ARMH4: variants seen among roughly 807,000 people sequenced by gnomAD.
The protein encoded by ARMH4 is armadillo like helical domain containing 4, also known as armadillo-like helical domain-containing protein 4.
In ARMH4, 49 loss-of-function variants were observed where a neutral mutation model predicts 61.9. The observed-to-expected ratio is 0.79, with a 90% confidence interval of 0.63 to 1.00. The LOEUF is 1.00. Ranked by LOEUF, ARMH4 falls within the 50% of genes least tolerant of loss-of-function variation. ARMH4 has a pLI of 0.00. For missense variants in ARMH4, 934 were observed against 930.0 expected (o/e 1.00, Z -0.06); for synonymous variants, 368 against 341.5 (o/e 1.08, Z -0.85).
chr14:58,085,831 T>A (rs2141248824), intron 5 of ARMH4, among the ~76,000 whole-genome samples: 1 of 152,278 alleles, frequency 6.6e-6, no homozygotes, highest in Non-Finnish European at 1.5e-5. Flanking sequence ...TAGTGAAACT[T>A]TGGTACCATT....
At chr14:58,041,853 C>G (rs544304687) in intron 5 of ARMH4, among the ~76,000 whole-genome samples, 3 of 152,112 alleles carry the variant, frequency 2.0e-5, no homozygotes, top group African/African-American at 7.2e-5. Context: ...CAAAGAAGGC[C>G]ATTACATAAT....
In ARMH4 at chr14:58,017,702, CA is replaced by C. The variant is rs555568508; in HGVS notation, c.2090-5553del. 6.6e-5 allele frequency among the ~76,000 whole-genome samples: 10 copies of C among 152,222 alleles called. No homozygotes were observed. The East Asian group carries it at 1.9e-3, about 29-fold the overall frequency. On this transcript the variant is annotated intron_variant, in intron 5 of 7. Coordinates refer to ENST00000267485, the MANE Select transcript of ARMH4 (RefSeq NM_001001872.4). Reference sequence around the variant, plus strand: ...AATATTATTTAAATGTCCATATAATCAAAAACCATCTACATATTCAATGCAA... The same window carrying C: ...AATATTATTTAAATGTCCATATAATCAAAACCATCTACATATTCAATGCAA...
chr14:58,068,831 A>G (rs1884788293), intron 5 of ARMH4, among the ~76,000 whole-genome samples: 1 of 152,028 alleles, frequency 6.6e-6, no homozygotes, highest in Non-Finnish European at 1.5e-5. Flanking sequence ...ACATGGTGAA[A>G]CCCCATCTCT....
rs750555182 is a variant in ARMH4, at chr14:58,005,085, C to T, written c.2219G>A (p.Arg740His). 12 of 1,613,870 alleles carry T rather than the reference C, an allele frequency of 7.4e-6. No homozygotes were observed. Among genetic ancestry groups the T allele is most frequent in the African/African-American group, 6.7e-5 (5 of 74,880 alleles). ...GALYSIKVMN[R>H]RRRNGFKRHK... ...CCTTTTGAAGCCATTTCTCCTTCGG[C>T]GATTCATAACCTTAATGCTGTAGAG... The change falls in exon 7 of 8, where the codon CGC (arginine) becomes CAC (histidine). Residue 740 changes from arginine (R) to histidine (H), a missense_variant. Transcript: ENST00000267485.
rs147528483 is a variant in ARMH4, at chr14:58,143,821, C to T, written c.-56-4407G>A. On this transcript the variant is annotated intron_variant, in intron 1 of 7. Coordinates refer to ENST00000267485, the MANE Select transcript of ARMH4 (RefSeq NM_001001872.4). ...CAGAGTCTTGCTCTGTCACCCAGGT[C>T]GGAGTTTGATGGTGTGATCTCAGCT... Among the ~76,000 whole-genome samples the T allele has an allele frequency of 9.2e-3, 1,261 of 136,850 alleles. 13 individuals carry two copies. The highest frequency in any genetic ancestry group is 0.031 in the African/African-American group (1,092 of 34,752). The allele number at this position is 136,850 out of a possible 152,430, so 89.8% of individuals were successfully genotyped here. A position where few individuals can be genotyped will look rare whatever the true frequency, so the allele number is the denominator to read the frequency against.
chr14:58,010,095 T>C lies in ARMH4; in HGVS notation c.2121+2024A>G, dbSNP rs1293970575. On this transcript the variant is annotated intron_variant, in intron 6 of 7. Coordinates refer to ENST00000267485, the MANE Select transcript of ARMH4 (RefSeq NM_001001872.4). ...CTGAAGAGCCAGGTTGGGCATGTAG[T>C]TTAGTTTTTAGTTCTAAGGGATTCT... Among the ~76,000 whole-genome samples, 6 of 152,130 alleles carry C rather than the reference T, an allele frequency of 3.9e-5. No homozygotes were observed. The East Asian group carries it at 1.2e-3, about 29-fold the overall frequency.
chr14:58,126,674 C>T (rs1455879937), intron 4 of ARMH4, among the ~76,000 whole-genome samples: 3 of 151,866 alleles, frequency 2.0e-5, no homozygotes, highest in African/African-American at 7.3e-5. Context: ...AATATAAAGA[C>T]AGACAAAACA....
At chr14:58,054,682 G>T (rs1408971102) in intron 5 of ARMH4, among the ~76,000 whole-genome samples, 1 of 152,032 alleles carries the variant, frequency 6.6e-6, no homozygotes, top group East Asian at 1.9e-4. Context: ...CAGATTACCT[G>T]AAGTCAGGAG....
rs868356118 is a variant in ARMH4 at position 58,113,357 on chromosome 14, A to T, written c.1832-16376T>A. ...TTAACATAGCACAATTTATTTGTCT[A>T]TTCTACTGGTGATGATTAGAATCTA... On this transcript the variant is annotated intron_variant, in intron 4 of 7. Coordinates refer to ENST00000267485, the MANE Select transcript of ARMH4 (RefSeq NM_001001872.4). 3.3e-5 allele frequency among the ~76,000 whole-genome samples: 5 copies of T among 152,290 alleles called. No individual in the cohort carries two copies. In the South Asian group the frequency reaches 6.2e-4, roughly 19 times the overall value.
At chr14:58,011,978 G>T (rs572826116) in intron 6 of ARMH4, 141 bp downstream of exon 6, 5 of 610,232 alleles carry the variant, frequency 8.2e-6, no homozygotes, top group South Asian at 8.0e-5. Context: ...TTTTTTGCAG[G>T]TACTGCAAGT....
intron 5 of ARMH4, among the ~76,000 whole-genome samples, chr14:58,049,238 C>CAA (rs535936500): frequency 1.6e-4 from 10 of 64,060 alleles, no homozygotes; most frequent in South Asian, 4.9e-4. Context: ...GACTCCGTCC[C>CAA]AAAAAAAAAA....
intron 5 of ARMH4, among the ~76,000 whole-genome samples, chr14:58,013,909 C>T (rs1358241314): frequency 1.3e-5 from 2 of 151,968 alleles, no homozygotes; most frequent in East Asian, 3.9e-4. Flanking sequence ...CACCTGTAAT[C>T]GCAGCTCAGG....
intron 5 of ARMH4, among the ~76,000 whole-genome samples, chr14:58,055,592 G>A (rs1884321912): frequency 6.6e-6 from 1 of 152,130 alleles, no homozygotes; most frequent in South Asian, 2.1e-4. Flanking sequence ...TTACATCCTT[G>A]CTCAAAGCTC....
At chr14:58,081,667 A>AT (rs1885230167) in intron 5 of ARMH4, among the ~76,000 whole-genome samples, 1 of 151,684 alleles carries the variant, frequency 6.6e-6, no homozygotes. Context: ...CGCCTGGCTA[A>AT]TTTTTTTGTA....
Position 58,052,927 on chromosome 14 carries a change from A to T in ARMH4, c.2090-40777T>A, listed in dbSNP as rs75673056. Reference sequence around the variant, plus strand: ...CTCAGGTTCTGCCCTGCTCTCTCTCATCTCAGGGAGAACACCCCTACCTGC... The same window carrying T: ...CTCAGGTTCTGCCCTGCTCTCTCTCTTCTCAGGGAGAACACCCCTACCTGC... On this transcript the variant is annotated intron_variant, in intron 5 of 7. Transcript: ENST00000267485. 4.1e-4 allele frequency among the ~76,000 whole-genome samples: 62 copies of T among 151,830 alleles called. 2 individuals carry two copies. The East Asian group carries it at 0.011, about 28-fold the overall frequency.
intron 4 of ARMH4, among the ~76,000 whole-genome samples, chr14:58,115,694 C>T (rs867865692): frequency 2.0e-5 from 3 of 152,022 alleles, no homozygotes; most frequent in African/African-American, 4.8e-5. Context: ...GGTAGACTAA[C>T]GAAAATGTGA....
intron 4 of ARMH4, among the ~76,000 whole-genome samples, chr14:58,113,727 A>G (rs550949334): frequency 3.3e-5 from 5 of 151,926 alleles, no homozygotes; most frequent in African/African-American, 1.2e-4. Flanking sequence ...CACTCTCTAT[A>G]ATGTCTTCAA....
At chr14:58,111,446 G>A (rs1886349197) in intron 4 of ARMH4, among the ~76,000 whole-genome samples, 1 of 152,196 alleles carries the variant, frequency 6.6e-6, no homozygotes, top group Non-Finnish European at 1.5e-5. Context: ...GGGACAACTT[G>A]ATTGTGTTAG....
intron 5 of ARMH4, among the ~76,000 whole-genome samples, chr14:58,043,549 C>G (rs940122128): frequency 1.3e-5 from 2 of 152,134 alleles, no homozygotes; most frequent in African/African-American, 4.8e-5. Context: ...TGGCACAAGA[C>G]AGGGATGTCC....
Sources: allele counts gnomAD v4.1 joint callset (sites outside exome capture counted in the v4.1 genomes callset), GRCh38; gene constraint gnomAD v4.1.1; transcripts MANE v1.5; gene names NCBI Gene and HGNC (gene_info 2026-07-23, HGNC 2026-07-21).